Variants in TMEM167A observed in about 807,000 individuals in gnomAD.
TMEM167A encodes the protein transmembrane protein 167A, also known as protein kish-A.
Under a neutral mutation model 11.6 loss-of-function variants are expected in TMEM167A, and 8 were observed. That is an observed-to-expected ratio of 0.69 (90% CI 0.40 to 1.24). The LOEUF (loss-of-function observed/expected upper bound fraction) is 1.24. Among genes scored for constraint, TMEM167A ranks in the 50% most tolerant of loss-of-function variants. The pLI is 0.01. For synonymous variants in TMEM167A, 22 were observed against 28.0 expected, an observed-to-expected ratio of 0.79 and a Z score of 0.67; for missense variants, 62 against 87.0, an observed-to-expected ratio of 0.71 and a Z score of 1.14.
chr5:83,066,120 A>G (rs926857650), intron 1 of TMEM167A, among the ~76,000 whole-genome samples: 9 of 152,136 alleles, frequency 5.9e-5, no homozygotes, highest in Non-Finnish European at 1.3e-4. Flanking sequence ...GCCCAATAAG[A>G]GAGAGTTGAA....
At position 83,056,482 on chromosome 5, in the gene TMEM167A, T is replaced by C. The variant is rs1744333647; in HGVS notation, c.*602A>G. 6.6e-6 allele frequency: 1 copy of C among 152,280 alleles called. No individual in the cohort carries two copies. The highest frequency in any genetic ancestry group is 1.5e-5 in the Non-Finnish European group (1 of 68,154). The allele number at this position is 152,280 out of a possible 1,614,324, so 9.4% of individuals were successfully genotyped here. On this transcript the variant is annotated 3_prime_UTR_variant, in exon 4 of 4. Coordinates refer to ENST00000502346, the MANE Select transcript of TMEM167A (RefSeq NM_174909.5). ...TTAACTATCAACATTTTCCCAATAC[T>C]ATTTTTAAGTTACATCTCATTTACC... is the stretch of plus-strand genomic sequence containing the variant.
intron 3 of TMEM167A, among the ~76,000 whole-genome samples, chr5:83,060,885 C>G (rs1744397799): frequency 6.6e-6 from 1 of 151,552 alleles, no homozygotes; most frequent in South Asian, 2.1e-4. Context: ...TTAATTGATT[C>G]ACTTAATCAT....
At chr5:83,068,352 T>A (rs907307814) in intron 1 of TMEM167A, among the ~76,000 whole-genome samples, 2 of 152,214 alleles carry the variant, frequency 1.3e-5, no homozygotes, top group Admixed American at 6.5e-5. Flanking sequence ...GTTATCCTCA[T>A]GTATCTGGGG....
chr5:83,076,970 G>A (rs1744684745), intron 1 of TMEM167A, among the ~76,000 whole-genome samples: 2 of 152,234 alleles, frequency 1.3e-5, no homozygotes, highest in Admixed American at 6.5e-5. Context: ...CCTAGGGCGA[G>A]ATAAGGAGTT....
rs1207376336 is a variant in TMEM167A, at chr5:83,053,782, G to A, written c.*3302C>T. 1 of 152,006 alleles carries A rather than the reference G, an allele frequency of 6.6e-6. No homozygotes were observed. Among genetic ancestry groups the A allele is most frequent in the East Asian group, 1.9e-4 (1 of 5,194 alleles). 9.4% of individuals were successfully genotyped at this position (152,006 alleles called of 1,614,324 possible). ...AGTTCAGCTTAAGCAGTGCTCCTCTGGAAGTTCACACCCTAACTGAACTGT... is the reference window on the plus strand; with the variant it reads ...AGTTCAGCTTAAGCAGTGCTCCTCTAGAAGTTCACACCCTAACTGAACTGT... On this transcript the variant is annotated 3_prime_UTR_variant, in exon 4 of 4. Coordinates refer to ENST00000502346, the MANE Select transcript of TMEM167A (RefSeq NM_174909.5).
rs1389224863 is a variant in TMEM167A, at chr5:83,056,090, T to C, written c.*994A>G. ...TCCTTTCACTATCAAAGTTCAAAGA[T>C]ACTTGTGCCACAGTATACAAATCAG... On this transcript the variant is annotated 3_prime_UTR_variant, in exon 4 of 4. Coordinates refer to ENST00000502346, the MANE Select transcript of TMEM167A (RefSeq NM_174909.5). 1 of 152,026 alleles carries C rather than the reference T, an allele frequency of 6.6e-6. No homozygotes were observed. Among genetic ancestry groups the C allele is most frequent in the Admixed American group, 6.6e-5 (1 of 15,238 alleles). 9.4% of individuals were successfully genotyped at this position (152,026 alleles called of 1,614,324 possible).
chr5:83,064,851 T>C (rs1040172882), intron 2 of TMEM167A, among the ~76,000 whole-genome samples, 157 bp downstream of exon 2: 2 of 152,144 alleles, frequency 1.3e-5, no homozygotes, highest in Non-Finnish European at 2.9e-5. Context: ...ATATTGTGAA[T>C]ATAAAGTTTT....
intron 1 of TMEM167A, among the ~76,000 whole-genome samples, chr5:83,070,695 C>T (rs190534403): frequency 1.7e-3 from 265 of 152,134 alleles, no homozygotes; most frequent in Non-Finnish European, 2.7e-3. Context: ...AAAAAATGTT[C>T]TATTTTCAAG....
Position 83,062,907 on chromosome 5 carries a change from T to C in TMEM167A, c.114-996A>G, listed in dbSNP as rs189334309. 6.6e-5 allele frequency among the ~76,000 whole-genome samples: 10 copies of C among 151,548 alleles called. No individual in the cohort carries two copies. The East Asian group carries it at 1.7e-3, about 26-fold the overall frequency. On this transcript the variant is annotated intron_variant, in intron 2 of 3. Transcript: ENST00000502346. ...TGGCTAGTGAATCATTACATCTGAA[T>C]GGGTAAGACTAACAGAAAATTCTGG...
intron 2 of TMEM167A, 55 bp from the exon 3 acceptor site, chr5:83,061,966 T>A (rs1364388698): frequency 2.8e-6 from 4 of 1,415,454 alleles, no homozygotes; most frequent in Non-Finnish European, 4.0e-6. Flanking sequence ...GAAAGGTAAA[T>A]TATTCTCTTG....
intron 1 of TMEM167A, among the ~76,000 whole-genome samples, chr5:83,068,457 A>G (rs1321148152): frequency 6.6e-6 from 1 of 152,240 alleles, no homozygotes; most frequent in Non-Finnish European, 1.5e-5. Flanking sequence ...AATCAAGTGA[A>G]AACAGAGCAT....
chr5:83,058,878 T>C (rs983721797), intron 3 of TMEM167A, among the ~76,000 whole-genome samples: 3 of 152,106 alleles, frequency 2.0e-5, no homozygotes, highest in East Asian at 3.8e-4. Flanking sequence ...TCTGTATAAG[T>C]GAATGTAAAA....
In TMEM167A at chr5:83,053,151, C is replaced by A. The variant is rs1744283152; in HGVS notation, c.*3933G>T. 6.6e-6 allele frequency: 1 copy of A among 151,938 alleles called. No homozygotes were observed. Among genetic ancestry groups the A allele is most frequent in the Non-Finnish European group, 1.5e-5 (1 of 67,892 alleles). 9.4% of individuals were successfully genotyped at this position (151,938 alleles called of 1,614,324 possible). A position where few individuals can be genotyped will look rare whatever the true frequency, so the allele number is the denominator to read the frequency against. On this transcript the variant is annotated 3_prime_UTR_variant, in exon 4 of 4. Coordinates refer to ENST00000502346, the MANE Select transcript of TMEM167A (RefSeq NM_174909.5). The stretch of plus-strand genomic sequence containing the variant: ...GTATTAATCAGCTACATATTTTGAA[C>A]ATCTACTGTTACTGGATACCAAAGA...
chr5:83,068,866 G>T (rs191590626), intron 1 of TMEM167A, among the ~76,000 whole-genome samples: 1 of 152,280 alleles, frequency 6.6e-6, no homozygotes. Context: ...ATGCTTAAAT[G>T]ATATAATGTT....
At position 83,056,848 on chromosome 5, in the gene TMEM167A, T is replaced by G. The variant is rs1023202440; in HGVS notation, c.*236A>C. 3.7e-6 allele frequency: 2 copies of G among 537,474 alleles called. No homozygotes were observed. Among genetic ancestry groups the G allele is most frequent in the African/African-American group, 3.9e-5 (2 of 51,618 alleles). 33.3% of individuals were successfully genotyped at this position (537,474 alleles called of 1,614,324 possible). On this transcript the variant is annotated 3_prime_UTR_variant, in exon 4 of 4. Transcript: ENST00000502346. ...ATACAACAGAATAACATTTGCAGAA[T>G]GTAATATTGTAGTGACAGTACTGAG...
intron 1 of TMEM167A, among the ~76,000 whole-genome samples, chr5:83,075,975 C>T (rs1330670295): frequency 2.0e-5 from 3 of 152,246 alleles, no homozygotes; most frequent in South Asian, 2.1e-4. Flanking sequence ...CCAGTTGTTT[C>T]CGTTTTCCAC....
chr5:83,075,180 G>A (rs181518048), intron 1 of TMEM167A, among the ~76,000 whole-genome samples: 46 of 152,220 alleles, frequency 3.0e-4, no homozygotes, highest in Admixed American at 2.7e-3. Context: ...CTGTGAAAAG[G>A]GTTATGCTAG....
intron 2 of TMEM167A, chr5:83,064,068 T>G (rs956214607): frequency 3.1e-6 from 1 of 321,962 alleles, no homozygotes; most frequent in African/African-American, 2.2e-5. Context: ...AAAATAATTC[T>G]TAGTTATAAA....
intron 1 of TMEM167A, among the ~76,000 whole-genome samples, chr5:83,072,899 A>AT (rs1744584490): frequency 6.6e-6 from 1 of 152,216 alleles, no homozygotes. Flanking sequence ...TCATGGGTTC[A>AT]TAAGATCAGA....
Sources: gnomAD v4.1 joint callset for allele counts (sites outside exome capture counted in the v4.1 genomes callset) on GRCh38, gnomAD v4.1.1 for gene constraint, MANE v1.5 for transcripts, NCBI Gene and HGNC (gene_info 2026-07-23, HGNC 2026-07-21) for gene names.